The following BAZ1A variants were observed in gnomAD, a reference collection of about 807,000 sequenced individuals.
The protein encoded by BAZ1A is bromodomain adjacent to zinc finger domain 1A.
BAZ1A carries 50 observed loss-of-function variants against 185.2 expected under a neutral mutation model. The observed-to-expected ratio is 0.27, with a 90% CI of 0.22 to 0.34. The LOEUF (loss-of-function observed/expected upper bound fraction) is 0.34, where lower values mean the gene tolerates loss of function less well. BAZ1A is among the 10% of genes least tolerant of loss of function. The pLI is 1.00. For synonymous variants in BAZ1A, 571 were observed against 615.6 expected, an observed-to-expected ratio of 0.93 and a Z score of 1.07; for missense variants, 1,356 against 1,839.9, an observed-to-expected ratio of 0.74 and a Z score of 4.81.
intron 6 of BAZ1A, among the ~76,000 whole-genome samples, chr14:34,804,047 A>G (rs1183900382): frequency 1.3e-5 from 2 of 152,118 alleles, no homozygotes; most frequent in African/African-American, 4.8e-5. Context: ...TTGCTCTGTC[A>G]TCCTGGCTGA....
At chr14:34,795,526 T>A in intron 10 of BAZ1A, 144 bp downstream of exon 10, 1 of 518,604 alleles carries the variant, frequency 1.9e-6, no homozygotes, top group African/African-American at 2.0e-5. Context: ...GAATTCTAAG[T>A]GTGAACATTT....
At chr14:34,828,257 C>T (rs1376654437) in intron 3 of BAZ1A, among the ~76,000 whole-genome samples, 2 of 143,674 alleles carry the variant, frequency 1.4e-5, no homozygotes, top group Non-Finnish European at 3.0e-5. Flanking sequence ...TGTGCCATTG[C>T]ACTCCAGCCT....
chr14:34,778,946 C>G lies in BAZ1A; in HGVS notation c.2236+1240G>C, dbSNP rs368496171. Among the ~76,000 whole-genome samples, 19 of 152,250 alleles carry G rather than the reference C, an allele frequency of 1.2e-4. No individual in the cohort carries two copies. The East Asian group carries it at 2.5e-3, about 20-fold the overall frequency. ...CAGGGCGCACTGCAGCCTTGATCTC[C>G]CAGGCTCAAGTGACCCTCCCACCTT... On this transcript the variant is annotated intron_variant, in intron 17 of 26. Coordinates refer to ENST00000360310, the MANE Select transcript of BAZ1A (RefSeq NM_013448.3).
chr14:34,842,739 G>C (rs1281592190), intron 3 of BAZ1A, among the ~76,000 whole-genome samples: 1 of 152,120 alleles, frequency 6.6e-6, no homozygotes, highest in Non-Finnish European at 1.5e-5. Flanking sequence ...CAGAAGCACA[G>C]AACAGGGCTC....
At chr14:34,790,875 A>T (rs2138629683) in intron 12 of BAZ1A, among the ~76,000 whole-genome samples, 1 of 152,318 alleles carries the variant, frequency 6.6e-6, no homozygotes, top group African/African-American at 2.4e-5. Flanking sequence ...TTGTAATCCC[A>T]GCACTTTGGG....
Position 34,824,376 on chromosome 14 carries a change from T to TAAAA in BAZ1A, c.536+1633_536+1636dup, listed in dbSNP as rs59459941. ...ACAACAGAACAGGACTCCATCTCTTTAAAAAAAAAAAAAAAAAAAAAAGCA... is the reference window on the plus strand; with the variant it reads ...ACAACAGAACAGGACTCCATCTCTTTAAAAAAAAAAAAAAAAAAAAAAAAAAGCA... On this transcript the variant is annotated intron_variant, in intron 4 of 26. Transcript: ENST00000360310. Among the ~76,000 whole-genome samples, 36 of 27,532 alleles carry TAAAA rather than the reference T, an allele frequency of 1.3e-3. 1 individual carries two copies. The highest frequency in any genetic ancestry group is 5.9e-3 in the African/African-American group (33 of 5,590). The allele number at this position is 27,532 out of a possible 152,430, so 18.1% of individuals were successfully genotyped here. A position where few individuals can be genotyped will look rare whatever the true frequency, so the allele number is the denominator to read the frequency against.
intron 17 of BAZ1A, among the ~76,000 whole-genome samples, chr14:34,779,551 A>G (rs1255823513): frequency 2.6e-5 from 4 of 152,182 alleles, no homozygotes; most frequent in African/African-American, 9.7e-5. Context: ...ATTTAAAAAA[A>G]ATACAGAAAA....
intron 3 of BAZ1A, among the ~76,000 whole-genome samples, chr14:34,835,538 C>T (rs1352642655): frequency 4.6e-5 from 7 of 151,900 alleles, no homozygotes; most frequent in South Asian, 4.1e-4. Context: ...CCAGGCAATG[C>T]GAGGCTCCTT....
rs74386489 is a variant in BAZ1A at position 34,801,027 on chromosome 14, C to T, written c.961+67G>A. On this transcript the variant is annotated intron_variant, in intron 8 of 26. Coordinates refer to ENST00000360310, the MANE Select transcript of BAZ1A (RefSeq NM_013448.3). The stretch of plus-strand genomic sequence containing the variant: ...AACATGCCATTTCGGAAACATCCCC[C>T]ACTCAGGCACAGAGAAATATTCTTT... The T allele has an allele frequency of 1.2e-4, 134 of 1,122,030 alleles. 1 individual carries two copies. The East Asian group carries it at 3.4e-3, about 28-fold the overall frequency. 69.5% of individuals were successfully genotyped at this position (1,122,030 alleles called of 1,614,324 possible). A position where few individuals can be genotyped will look rare whatever the true frequency, so the allele number is the denominator to read the frequency against.
intron 12 of BAZ1A, among the ~76,000 whole-genome samples, chr14:34,787,363 A>AAAAAGAAAGAAAAG (rs1555339668): frequency 8.9e-6 from 1 of 112,798 alleles, no homozygotes; most frequent in Admixed American, 1.1e-4. Context: ...AAAAAAAAAA[A>AAAAAGAAAGAAAAG]AAAAAGAAAA....
chr14:34,753,826 G>T, intron 26 of BAZ1A, 122 bp from the exon 27 acceptor site: 1 of 841,316 alleles, frequency 1.2e-6, no homozygotes, highest in Non-Finnish European at 1.7e-6. Flanking sequence ...TCTTTAGAAA[G>T]AGAAGACTCT....
intron 3 of BAZ1A, among the ~76,000 whole-genome samples, chr14:34,841,943 T>C (rs749343870): frequency 4.7e-4 from 72 of 152,216 alleles, no homozygotes; most frequent in Non-Finnish European, 5.7e-4. Flanking sequence ...TATCAAGTTT[T>C]ATTTTAAAAA....
chr14:34,815,333 A>G (rs891062492), intron 4 of BAZ1A, among the ~76,000 whole-genome samples: 1 of 152,240 alleles, frequency 6.6e-6, no homozygotes, highest in Non-Finnish European at 1.5e-5. Flanking sequence ...TGCTTCTTAT[A>G]ATATGAATTC....
intron 12 of BAZ1A, among the ~76,000 whole-genome samples, chr14:34,790,793 G>A (rs1272294509): frequency 6.6e-6 from 1 of 152,120 alleles, no homozygotes; most frequent in African/African-American, 2.4e-5. Flanking sequence ...GTTCTATATA[G>A]GGAATACTTA....
chr14:34,773,218 A>C (rs1230020734), intron 20 of BAZ1A, among the ~76,000 whole-genome samples: 1 of 152,146 alleles, frequency 6.6e-6, no homozygotes, highest in Non-Finnish European at 1.5e-5. Flanking sequence ...CTCAAATAAC[A>C]TTCAAGTCTA....
At chr14:34,760,717 T>C (rs1886485558) in intron 24 of BAZ1A, among the ~76,000 whole-genome samples, 1 of 151,842 alleles carries the variant, frequency 6.6e-6, no homozygotes, top group African/African-American at 2.4e-5. Context: ...GTCAGCTTGG[T>C]GGTGCATTCC....
At chr14:34,766,341 A>C (rs1878839204) in intron 21 of BAZ1A, among the ~76,000 whole-genome samples, 1 of 152,220 alleles carries the variant, frequency 6.6e-6, no homozygotes, top group African/African-American at 2.4e-5. Context: ...CCTATCTTCA[A>C]GGAATGTTTA....
intron 4 of BAZ1A, among the ~76,000 whole-genome samples, chr14:34,811,492 G>A (rs537698310): frequency 4.0e-5 from 6 of 151,254 alleles, no homozygotes; most frequent in South Asian, 2.1e-4. Flanking sequence ...ACAGAGTCTC[G>A]CCTTGTCACC....
intron 20 of BAZ1A, among the ~76,000 whole-genome samples, 178 bp downstream of exon 20, chr14:34,773,394 G>A (rs1285724288): frequency 6.6e-6 from 1 of 150,956 alleles, no homozygotes; most frequent in African/African-American, 2.4e-5. Flanking sequence ...ACAAAGTGGA[G>A]TAACAGAGAT....
Sources: gnomAD v4.1 joint callset for allele counts (sites outside exome capture counted in the v4.1 genomes callset) on GRCh38, gnomAD v4.1.1 for gene constraint, MANE v1.5 for transcripts, NCBI Gene and HGNC (gene_info 2026-07-23, HGNC 2026-07-21) for gene names.